HROB: variants seen among roughly 807,000 people sequenced by gnomAD.
HROB encodes homologous recombination OB-fold protein.
Under a neutral mutation model 61.0 loss-of-function variants are expected in HROB, and 44 were observed. That is an observed-to-expected ratio of 0.72 (90% confidence interval 0.57 to 0.93). The LOEUF (loss-of-function observed/expected upper bound fraction) is 0.93. HROB is among the 40% of genes least tolerant of loss of function. The pLI is 0.00. For synonymous variants in HROB, 301 were observed against 310.4 expected (o/e 0.97, Z 0.32); for missense variants, 716 against 796.2 (o/e 0.90, Z 1.21).
chr17:44,145,289 G>T, intron 2 of HROB, 36 bp downstream of exon 2: 2 of 1,611,580 alleles, frequency 1.2e-6, no homozygotes, highest in South Asian at 1.1e-5. Flanking sequence ...TGGCAGACGA[G>T]GTCTTAAAAT....
chr17:44,147,755 C>A, intron 2 of HROB, 103 bp from the exon 3 acceptor site: 2 of 1,193,770 alleles, frequency 1.7e-6, no homozygotes, highest in Non-Finnish European at 2.3e-6. Flanking sequence ...TGGTTTCTTT[C>A]AAGTATCTAC....
intron 8 of HROB, among the ~76,000 whole-genome samples, chr17:44,157,226 T>C (rs1217011761): frequency 6.6e-6 from 1 of 152,204 alleles, no homozygotes; most frequent in Non-Finnish European, 1.5e-5. Context: ...CTCTCTGCTC[T>C]AGTTATAGAG....
chr17:44,153,836 G>A (rs1285383748), intron 5 of HROB, among the ~76,000 whole-genome samples: 1 of 151,448 alleles, frequency 6.6e-6, no homozygotes, highest in African/African-American at 2.4e-5. Flanking sequence ...GATCACTTGA[G>A]GTCAGGAGTT....
intron 5 of HROB, 87 bp from the exon 6 acceptor site, chr17:44,154,469 A>C: frequency 7.8e-7 from 1 of 1,283,198 alleles, no homozygotes; most frequent in Middle Eastern, 1.9e-4. Context: ...GACCCCTCCT[A>C]ACCCCGGTTG....
At chr17:44,143,954 T>C (rs1471895779) in intron 1 of HROB, among the ~76,000 whole-genome samples, 1 of 152,122 alleles carries the variant, frequency 6.6e-6, no homozygotes, top group Non-Finnish European at 1.5e-5. Flanking sequence ...GTGGATTATG[T>C]TACAAGAAAG....
intron 2 of HROB, 84 bp from the exon 3 acceptor site, chr17:44,147,774 A>G: frequency 1.5e-6 from 2 of 1,327,400 alleles, no homozygotes; most frequent in Admixed American, 2.2e-5. Flanking sequence ...ACACACAAAC[A>G]TACACGCCAT....
Position 44,148,721 on chromosome 17 carries a change from C to T in HROB, c.918C>T (p.Ser306=). The change falls in exon 3 of 10, where the codon TCC becomes TCT. Residue 306 remains serine, a synonymous_variant. Coordinates refer to ENST00000585683, the MANE Select transcript of HROB (RefSeq NM_001171251.3). The part of the protein sequence containing the change: ...FPCQPFQSPS[S]WLSGKAHLPR... Reference sequence around the variant, plus strand: ...GTCAGCCATTCCAGTCTCCAAGTTCCTGGTTAAGTGGCAAAGCTCATTTAC... The same window carrying T: ...GTCAGCCATTCCAGTCTCCAAGTTCTTGGTTAAGTGGCAAAGCTCATTTAC... 1.9e-6 allele frequency: 3 copies of T among 1,614,222 alleles called. No individual in the cohort carries two copies. The highest frequency in any genetic ancestry group is 2.5e-6 in the Non-Finnish European group (3 of 1,180,034).
At chr17:44,160,718 G>C (rs2054112986) in intron 9 of HROB, among the ~76,000 whole-genome samples, 1 of 152,142 alleles carries the variant, frequency 6.6e-6, no homozygotes, top group African/African-American at 2.4e-5. Context: ...ATTATGGATA[G>C]GTGTTCTCAC....
Position 44,148,363 on chromosome 17 carries a change from C to T in HROB, c.560C>T (p.Pro187Leu). The change falls in exon 3 of 10, where the codon CCT (proline) becomes CTT (leucine). Residue 187 changes from proline (P) to leucine (L), a missense_variant. Transcript: ENST00000585683. ...AGCAGTGAGGCCATACCAATCCTGC[C>T]TGCCCAGCAGCGGGAGGGTTCAGTA... ...GVSSEAIPILPAQQREGSVLA... is the reference protein window; with the variant it reads ...GVSSEAIPILLAQQREGSVLA... 3 of 1,614,108 alleles carry T rather than the reference C, an allele frequency of 1.9e-6. No homozygotes were observed. Among genetic ancestry groups the T allele is most frequent in the Non-Finnish European group, 2.5e-6 (3 of 1,179,998 alleles).
intron 2 of HROB, 22 bp downstream of exon 2, chr17:44,145,275 G>A: frequency 6.2e-7 from 1 of 1,613,370 alleles, no homozygotes; most frequent in Non-Finnish European, 8.5e-7. Flanking sequence ...TTGATGATCA[G>A]AGGTGGCAGA....
chr17:44,151,018 G>C lies in HROB; in HGVS notation c.1282G>C (p.Gly428Arg), dbSNP rs767849222. ...TTCCGCGCCCCAAACTCCAACCCAT[G>C]GTGCTCTGGCTAAATTCCAGACAGA... The part of the protein sequence containing the change: ...MVSAPQTPTH[G>R]ALAKFQTEIV... The change falls in exon 4 of 10, where the codon GGT becomes CGT. Residue 428 changes from glycine to arginine, a missense_variant. Physicochemically the swap from Gly to Arg is moderately radical, Grantham distance 125 (BLOSUM62 -2). Transcript: ENST00000585683. 12 of 1,613,320 alleles carry C rather than the reference G, an allele frequency of 7.4e-6. No homozygotes were observed. The highest frequency in any genetic ancestry group is 1.0e-5 in the Non-Finnish European group (12 of 1,179,786).
At chr17:44,151,585 A>G (rs1598096530) in intron 4 of HROB, among the ~76,000 whole-genome samples, 1 of 152,316 alleles carries the variant, frequency 6.6e-6, no homozygotes, top group East Asian at 1.9e-4. Context: ...AAAGCAGCAG[A>G]TACTCTCTGG....
At chr17:44,150,818 T>G in intron 3 of HROB, 143 bp from the exon 4 acceptor site, 1 of 684,540 alleles carries the variant, frequency 1.5e-6, no homozygotes, top group Non-Finnish European at 2.5e-6. Context: ...AAGAGGCTCC[T>G]GAGACTTTGT....
In HROB at chr17:44,162,314, A is replaced by T. The variant is rs772461036; in HGVS notation, c.*382A>T. ...AGATGAAAGGAGCCACACCACAACAATGGCGGCCTGCCCCTCCACACAGGG... is the reference window on the plus strand; with the variant it reads ...AGATGAAAGGAGCCACACCACAACATTGGCGGCCTGCCCCTCCACACAGGG... On this transcript the variant is annotated 3_prime_UTR_variant, in exon 10 of 10. Transcript: ENST00000585683. 1 of 205,578 alleles carries T rather than the reference A, an allele frequency of 4.9e-6. No homozygotes were observed. Among genetic ancestry groups the T allele is most frequent in the Non-Finnish European group, 9.9e-6 (1 of 100,970 alleles). 12.7% of individuals were successfully genotyped at this position (205,578 alleles called of 1,614,324 possible).
chr17:44,154,312 G>C (rs183027141), intron 5 of HROB: 1 of 453,420 alleles, frequency 2.2e-6, no homozygotes, highest in Admixed American at 3.3e-5. Flanking sequence ...ATTGCACCCA[G>C]CCTGGGAGCG....
chr17:44,157,994 A>G lies in HROB; in HGVS notation c.1879+53A>G, dbSNP rs563054021. 76 of 1,297,380 alleles carry G rather than the reference A, an allele frequency of 5.9e-5. No homozygotes were observed. The South Asian group carries it at 8.4e-4, about 14-fold the overall frequency. The allele number at this position is 1,297,380 out of a possible 1,614,324, so 80.4% of individuals were successfully genotyped here. A position where few individuals can be genotyped will look rare whatever the true frequency, so the allele number is the denominator to read the frequency against. On this transcript the variant is annotated intron_variant, in intron 9 of 9. Coordinates refer to ENST00000585683, the MANE Select transcript of HROB (RefSeq NM_001171251.3). Reference sequence around the variant, plus strand: ...AGAGAGGTTCTATTTCCTGTTGAATAGCTGAACCAGAATCTTCCTGGCTAT... The same window carrying G: ...AGAGAGGTTCTATTTCCTGTTGAATGGCTGAACCAGAATCTTCCTGGCTAT...
rs1313058278 is a variant in HROB, at chr17:44,142,118, C to T, written c.-25C>T. ...GACTCGGGGTGCCGGGCCAACCTCCCCGCCGAGGCCCACCCGCCGTCGCTA... is the reference window on the plus strand; with the variant it reads ...GACTCGGGGTGCCGGGCCAACCTCCTCGCCGAGGCCCACCCGCCGTCGCTA... On this transcript the variant is annotated 5_prime_UTR_variant, in exon 1 of 10. Transcript: ENST00000585683. The T allele has an allele frequency of 2.8e-5, 43 of 1,530,458 alleles. No homozygotes were observed. Among genetic ancestry groups the T allele is most frequent in the Non-Finnish European group, 3.7e-5 (42 of 1,144,122 alleles). The allele number at this position is 1,530,458 out of a possible 1,614,324, so 94.8% of individuals were successfully genotyped here.
chr17:44,143,496 A>T (rs1282579323), intron 1 of HROB, among the ~76,000 whole-genome samples: 3 of 152,008 alleles, frequency 2.0e-5, no homozygotes, highest in African/African-American at 7.2e-5. Flanking sequence ...ACAAAAAAAA[A>T]TAGCCAGGCA....
In HROB at chr17:44,150,950, TC is replaced by T; in HGVS notation, c.1225-7del. ...AGCTTGCTCTCATCTTCTCCTTCCCTCCCCTCTTAGCAGAGTGGGAGAAGTC... is the reference window on the plus strand; with the variant it reads ...AGCTTGCTCTCATCTTCTCCTTCCCTCCCTCTTAGCAGAGTGGGAGAAGTC... On this transcript the variant is annotated splice_polypyrimidine_tract_variant and intron_variant, in intron 3 of 9. Transcript: ENST00000585683. The T allele has an allele frequency of 6.2e-7, 1 of 1,603,706 alleles. No homozygotes were observed. Among genetic ancestry groups the T allele is most frequent in the Non-Finnish European group, 8.5e-7 (1 of 1,171,940 alleles).
Sources: allele counts gnomAD v4.1 joint callset (sites outside exome capture counted in the v4.1 genomes callset), GRCh38; gene constraint gnomAD v4.1.1; transcripts MANE v1.5; gene names NCBI Gene and HGNC (gene_info 2026-07-23, HGNC 2026-07-21).